Variants in FANCA observed in about 807,000 individuals in gnomAD.
The protein encoded by FANCA is FA complementation group A.
Under a neutral mutation model 194.3 loss-of-function variants are expected in FANCA, and 236 were observed. That is an observed-to-expected ratio of 1.21 (90% CI 1.09 to 1.35). FANCA has a LOEUF of 1.35. Ranked by LOEUF, FANCA falls within the 40% of genes most tolerant of loss-of-function variation. The pLI, the probability that FANCA is intolerant of heterozygous loss-of-function variation, is 0.00. For synonymous variants in FANCA, 1,014 were observed against 715.8 expected, an observed-to-expected ratio of 1.42 and a Z score of -6.65; for missense variants, 2,628 against 1,813.9, an observed-to-expected ratio of 1.45 and a Z score of -8.15.
At chr16:89,768,900 C>G (rs1419037381) in intron 26 of FANCA, among the ~76,000 whole-genome samples, 1 of 135,480 alleles carries the variant, frequency 7.4e-6, no homozygotes, top group Admixed American at 7.8e-5. Flanking sequence ...CTGTGTGCCT[C>G]TCATGCCAAC....
chr16:89,777,894 G>C (rs954762644), intron 20 of FANCA, among the ~76,000 whole-genome samples: 1 of 152,034 alleles, frequency 6.6e-6, no homozygotes, highest in African/African-American at 2.4e-5. Context: ...GGGTGCGGTA[G>C]CTCACGCCTA....
At chr16:89,759,966 G>C (rs906026261) in intron 29 of FANCA, among the ~76,000 whole-genome samples, 3 of 151,742 alleles carry the variant, frequency 2.0e-5, no homozygotes, top group Non-Finnish European at 4.4e-5. Context: ...TGCGGGACCG[G>C]GGTGCTCCAC....
intron 7 of FANCA, among the ~76,000 whole-genome samples, chr16:89,804,707 G>C (rs934017277): frequency 6.6e-6 from 1 of 152,098 alleles, no homozygotes; most frequent in African/African-American, 2.4e-5. Flanking sequence ...TTTGTGGGGG[G>C]ACATTACAGT....
intron 6 of FANCA, among the ~76,000 whole-genome samples, chr16:89,806,088 A>G (rs113019463): frequency 2.0e-5 from 3 of 151,786 alleles, no homozygotes; most frequent in Admixed American, 2.0e-4. Flanking sequence ...AATTTTTGTA[A>G]TTTTAGTAGA....
rs1567593114 is a variant in FANCA, at chr16:89,739,260, GCCGCGTCTTCATGGA to G, written c.4025_4039del (p.Phe1342_Ala1347delinsSer). On this transcript the variant is annotated inframe_deletion, in exon 41 of 43. Coordinates refer to ENST00000389301, the MANE Select transcript of FANCA (RefSeq NM_000135.4). ...ATGCAGGAAGGCCTCTTCCCTGATGGCCGCGTCTTCATGGAAGTAGGAGAGAAGACTAGAGGTAAA... is the reference window on the plus strand; with the variant it reads ...ATGCAGGAAGGCCTCTTCCCTGATGGAGTAGGAGAGAAGACTAGAGGTAAA... The G allele has an allele frequency of 6.2e-7, 1 of 1,614,162 alleles. No individual in the cohort carries two copies.
At chr16:89,749,070 T>C (rs533686854) in intron 32 of FANCA, among the ~76,000 whole-genome samples, 36 of 152,244 alleles carry the variant, frequency 2.4e-4, no homozygotes, top group Non-Finnish European at 4.4e-4. Flanking sequence ...CCAGTCTGTC[T>C]AGTGAAGCAA....
chr16:89,786,902 T>G (rs2143491810), intron 14 of FANCA, among the ~76,000 whole-genome samples: 1 of 152,262 alleles, frequency 6.6e-6, no homozygotes, highest in South Asian at 2.1e-4. Context: ...CACCATGTCT[T>G]ATCACCCTCC....
chr16:89,752,145 C>A lies in FANCA; in HGVS notation c.3059G>T (p.Arg1020Ile). The A allele has an allele frequency of 1.2e-6, 2 of 1,614,124 alleles. No homozygotes were observed. Among genetic ancestry groups the A allele is most frequent in the East Asian group, 4.5e-5 (2 of 44,888 alleles). ...TGGCACCCTCAAACTCACCTGCAAT[C>A]TGGAAATAATATCCTCATTTCCTGT... ...GRTGNEDIIS[R>I]LQEMVADLEL... The change falls in exon 31 of 43, where the codon AGA becomes ATA. Residue 1020 changes from arginine (R) to isoleucine (I), a missense_variant. Physicochemically the swap from Arg to Ile is moderately conservative, Grantham distance 97. Transcript: ENST00000389301.
rs1208978768 is a variant in FANCA, at chr16:89,779,964, C to T, written c.1627-7G>A. The T allele has an allele frequency of 3.1e-6, 5 of 1,613,428 alleles. No homozygotes were observed. In the African/African-American group the frequency reaches 4.0e-5, roughly 13 times the overall value. ...GAAGAGCTTGGCTGTGGGGCTGGTTCCCATACAGGGAGGAAAGGAAAAAGA... is the reference window on the plus strand; with the variant it reads ...GAAGAGCTTGGCTGTGGGGCTGGTTTCCATACAGGGAGGAAAGGAAAAAGA... On this transcript the variant is annotated splice_polypyrimidine_tract_variant and splice_region_variant and intron_variant, in intron 17 of 42. Transcript: ENST00000389301.
chr16:89,745,892 G>A (rs889241144), intron 35 of FANCA, among the ~76,000 whole-genome samples: 23 of 152,222 alleles, frequency 1.5e-4, no homozygotes, highest in East Asian at 3.8e-4. Flanking sequence ...TCTAAACACC[G>A]AAGAGTTCAT....
chr16:89,745,149 C>A, intron 35 of FANCA, 78 bp from the exon 36 acceptor site: 2 of 1,375,328 alleles, frequency 1.5e-6, no homozygotes, highest in Admixed American at 3.9e-5. Flanking sequence ...TGACAAGCCC[C>A]CAGTGCTCCT....
intron 11 of FANCA, among the ~76,000 whole-genome samples, chr16:89,794,633 T>C (rs1032812545): frequency 5.3e-5 from 8 of 152,182 alleles, no homozygotes; most frequent in African/African-American, 1.9e-4. Flanking sequence ...CAAGTGATGA[T>C]AAACTCCTGA....
chr16:89,741,980 T>C (rs1598060657), intron 37 of FANCA, among the ~76,000 whole-genome samples: 1 of 152,000 alleles, frequency 6.6e-6, no homozygotes, highest in Non-Finnish European at 1.5e-5. Flanking sequence ...AAATTTTTTT[T>C]TTTTGAGACA....
intron 17 of FANCA, among the ~76,000 whole-genome samples, chr16:89,780,218 G>C (rs954198951): frequency 6.6e-6 from 1 of 152,194 alleles, no homozygotes; most frequent in Non-Finnish European, 1.5e-5. Flanking sequence ...CTCCTCGAGA[G>C]CTCAGCTCTG....
chr16:89,778,909 A>G (rs2039608875), intron 19 of FANCA, 34 bp downstream of exon 19: 16 of 1,614,110 alleles, frequency 9.9e-6, no homozygotes, highest in Non-Finnish European at 1.4e-5. Context: ...CTTTCTACAC[A>G]ACTGGTCACA....
chr16:89,811,129 C>T (rs1464070565), intron 3 of FANCA, 58 bp from the exon 4 acceptor site: 1 of 1,609,664 alleles, frequency 6.2e-7, no homozygotes, highest in African/African-American at 1.3e-5. Context: ...AATCTAAAAC[C>T]AAAGACTTGC....
chr16:89,773,589 G>C (rs4785721), intron 21 of FANCA, among the ~76,000 whole-genome samples: 3 of 151,622 alleles, frequency 2.0e-5, no homozygotes, highest in Non-Finnish European at 2.9e-5. Context: ...AATTATAAAC[G>C]AGTTTCATAA....
chr16:89,777,478 C>G (rs2039548530), intron 20 of FANCA, among the ~76,000 whole-genome samples: 1 of 151,988 alleles, frequency 6.6e-6, no homozygotes, highest in African/African-American at 2.4e-5. Flanking sequence ...GTAATCCCAG[C>G]ACTTTGGGAG....
intron 29 of FANCA, 66 bp from the exon 30 acceptor site, chr16:89,758,771 G>T: frequency 6.2e-7 from 1 of 1,601,316 alleles, no homozygotes; most frequent in Non-Finnish European, 8.5e-7. Context: ...CCCATAACCA[G>T]GGAATAGGCC....
Sources: gnomAD v4.1 joint callset for allele counts (sites outside exome capture counted in the v4.1 genomes callset) on GRCh38, gnomAD v4.1.1 for gene constraint, MANE v1.5 for transcripts, NCBI Gene and HGNC (gene_info 2026-07-23, HGNC 2026-07-21) for gene names.